RALGAPA1: variants seen among roughly 807,000 people sequenced by gnomAD.
RALGAPA1 encodes the protein ral GTPase-activating protein subunit alpha-1.
A neutral mutation model predicts 269.6 loss-of-function variants in RALGAPA1; 52 were observed. The observed-to-expected ratio is 0.19, with a 90% confidence interval of 0.15 to 0.24. The LOEUF is 0.24. RALGAPA1 is among the 10% of genes least tolerant of loss of function. The pLI is 1.00. For missense variants in RALGAPA1, 1,917 were observed against 3,013.9 expected, an observed-to-expected ratio of 0.64 and a Z score of 8.52; for synonymous variants, 817 against 1,008.3, an observed-to-expected ratio of 0.81 and a Z score of 3.60.
At chr14:35,792,536 A>T (rs1435799978) in intron 1 of RALGAPA1, among the ~76,000 whole-genome samples, 1 of 151,970 alleles carries the variant, frequency 6.6e-6, no homozygotes, top group Non-Finnish European at 1.5e-5. Flanking sequence ...TAATCCTAGC[A>T]CTTTGGGAGG....
chr14:35,565,769 G>A (rs1355072908), intron 39 of RALGAPA1, among the ~76,000 whole-genome samples: 1 of 152,014 alleles, frequency 6.6e-6, no homozygotes, highest in African/African-American at 2.4e-5. Context: ...ACTAAAAGAA[G>A]AAACAGTATT....
chr14:35,703,875 C>G (rs1328711739), intron 16 of RALGAPA1, among the ~76,000 whole-genome samples: 3 of 151,866 alleles, frequency 2.0e-5, no homozygotes, highest in Non-Finnish European at 4.4e-5. Flanking sequence ...AAAATGCATT[C>G]CCATAAATTC....
At chr14:35,721,612 A>G (rs986844680) in intron 16 of RALGAPA1, 76 bp downstream of exon 16, 7 of 1,290,754 alleles carry the variant, frequency 5.4e-6, no homozygotes, top group Non-Finnish European at 6.3e-6. Context: ...AGAAAAATTT[A>G]TATTGATATA....
chr14:35,732,938 A>G (rs771301348), intron 12 of RALGAPA1, among the ~76,000 whole-genome samples: 21 of 152,370 alleles, frequency 1.4e-4, no homozygotes, highest in Non-Finnish European at 2.8e-4. Context: ...CAACAACTGC[A>G]GAATACACAT....
At chr14:35,715,815 G>A (rs1403467274) in intron 16 of RALGAPA1, 1 of 985,232 alleles carries the variant, frequency 1.0e-6, no homozygotes. Flanking sequence ...TCCCAGAAGT[G>A]ATTATCAGCA....
chr14:35,788,558 G>A (rs182705215), intron 1 of RALGAPA1, among the ~76,000 whole-genome samples: 37 of 152,270 alleles, frequency 2.4e-4, no homozygotes, highest in African/African-American at 8.9e-4. Flanking sequence ...ACTAAGGCAG[G>A]AGGATCACAT....
chr14:35,556,691 A>T (rs1480712326), intron 39 of RALGAPA1, among the ~76,000 whole-genome samples: 1 of 152,132 alleles, frequency 6.6e-6, no homozygotes, highest in Non-Finnish European at 1.5e-5. Context: ...CATCCTTTTA[A>T]CCATATTGCC....
rs559979336 is a variant in RALGAPA1 at position 35,541,040 on chromosome 14, A to ATTT, written c.*24-1353_*24-1351dup. Reference sequence around the variant, plus strand: ...GAATATGTCTTTGCAGAACACTTCAATTTTTTTTTTTTTTTTTTTTTTTTG... The same window carrying ATTT: ...GAATATGTCTTTGCAGAACACTTCAATTTTTTTTTTTTTTTTTTTTTTTTTTTG... On this transcript the variant is annotated intron_variant, in intron 41 of 41. Coordinates refer to ENST00000680220, the MANE Select transcript of RALGAPA1 (RefSeq NM_001346249.2). Among the ~76,000 whole-genome samples the ATTT allele has an allele frequency of 1.7e-3, 151 of 89,160 alleles. 6 individuals carry two copies. The highest frequency in any genetic ancestry group is 8.1e-3 in the East Asian group (19 of 2,334). The allele number at this position is 89,160 out of a possible 152,430, so 58.5% of individuals were successfully genotyped here.
chr14:35,727,350 A>G (rs1257315359), intron 13 of RALGAPA1, among the ~76,000 whole-genome samples: 3 of 126,874 alleles, frequency 2.4e-5, no homozygotes, highest in South Asian at 4.8e-4. Flanking sequence ...TATATATAGT[A>G]TAATACTATA....
chr14:35,715,764 C>G, intron 16 of RALGAPA1: 1 of 985,262 alleles, frequency 1.0e-6, no homozygotes, highest in Non-Finnish European at 1.2e-6. Flanking sequence ...GTCTTCAATT[C>G]AGTCATCCAA....
chr14:35,597,870 T>C (rs915485417), intron 36 of RALGAPA1, among the ~76,000 whole-genome samples: 11 of 152,248 alleles, frequency 7.2e-5, no homozygotes, highest in Admixed American at 3.3e-4. Context: ...TTTGATTCCA[T>C]TGGGGTTCAA....
At chr14:35,648,147 A>C (rs947907805) in intron 31 of RALGAPA1, among the ~76,000 whole-genome samples, 4 of 150,586 alleles carry the variant, frequency 2.7e-5, no homozygotes, top group Non-Finnish European at 5.9e-5. Flanking sequence ...CCAAAAAAAA[A>C]CTAGCAAGGT....
At chr14:35,784,939 T>C (rs1389742098) in intron 1 of RALGAPA1, among the ~76,000 whole-genome samples, 2 of 152,068 alleles carry the variant, frequency 1.3e-5, no homozygotes, top group South Asian at 2.1e-4. Context: ...TCTCAACACT[T>C]TGGGAGGCTG....
intron 28 of RALGAPA1, among the ~76,000 whole-genome samples, chr14:35,658,508 A>C (rs996311701): frequency 6.6e-6 from 1 of 152,134 alleles, no homozygotes; most frequent in East Asian, 1.9e-4. Flanking sequence ...TAGCATCAAG[A>C]ATATAAAATA....
rs565889816 is a variant in RALGAPA1, at chr14:35,771,163, G to T, written c.268-164C>A. On this transcript the variant is annotated intron_variant, in intron 3 of 41. Transcript: ENST00000680220. ...AATCCTAGCGCTTTGGGAAGCTGAGGTGGGTGGATCACCTGAGGTCAGGAG... is the reference window on the plus strand; with the variant it reads ...AATCCTAGCGCTTTGGGAAGCTGAGTTGGGTGGATCACCTGAGGTCAGGAG... 3.9e-5 allele frequency among the ~76,000 whole-genome samples: 6 copies of T among 152,280 alleles called. No homozygotes were observed. The East Asian group carries it at 1.2e-3, about 29-fold the overall frequency.
In RALGAPA1 at chr14:35,634,697, T is replaced by C. The variant is rs1478486977; in HGVS notation, c.5872A>G (p.Ser1958Gly). ...TCTACAGATGCCAAATCAGAGAGGC[T>C]CATGGGAAAATACCTTGGATTGCTA... ...CFSNPRYFPM[S>G]LSDLASVDYD... The change falls in exon 33 of 42, where the codon AGC becomes GGC. Residue 1958 changes from serine (S) to glycine (G), a missense_variant. Around this residue, in one of 11 missense-constraint regions of RALGAPA1, gnomAD observed 346 missense variants for 566.1 expected, o/e 0.61. Transcript: ENST00000680220. 6.2e-7 allele frequency: 1 copy of C among 1,613,130 alleles called. No homozygotes were observed. The highest frequency in any genetic ancestry group is 8.5e-7 in the Non-Finnish European group (1 of 1,179,512).
intron 41 of RALGAPA1, chr14:35,541,833 C>T (rs772336790): frequency 2.2e-6 from 1 of 458,118 alleles, no homozygotes; most frequent in Non-Finnish European, 4.4e-6. Context: ...AATGGAGTAG[C>T]AAGCAGAAGT....
intron 37 of RALGAPA1, among the ~76,000 whole-genome samples, chr14:35,588,690 T>C (rs994985223): frequency 2.0e-5 from 3 of 152,128 alleles, no homozygotes; most frequent in African/African-American, 7.2e-5. Context: ...GAAAACAGTA[T>C]GGGGGTTCTT....
intron 35 of RALGAPA1, among the ~76,000 whole-genome samples, chr14:35,610,596 C>G (rs1236055938): frequency 2.0e-5 from 3 of 151,938 alleles, no homozygotes; most frequent in African/African-American, 7.2e-5. Context: ...GACACAATTT[C>G]TAAAACCAAC....
Sources: gnomAD v4.1 joint callset for allele counts (sites outside exome capture counted in the v4.1 genomes callset) on GRCh38, gnomAD v4.1.1 for gene constraint, gnomAD v4.1.1 regional missense constraint, MANE v1.5 for transcripts, NCBI Gene and HGNC (gene_info 2026-07-23, HGNC 2026-07-21) for gene names.